CYP2C19: variants seen among roughly 807,000 people sequenced by gnomAD.
The protein encoded by CYP2C19 is cytochrome P450 family 2 subfamily C member 19.
A neutral mutation model predicts 40.9 loss-of-function variants in CYP2C19; 59 were observed. That is an observed-to-expected ratio of 1.44 (90% confidence interval 1.17 to 1.79). CYP2C19 has a LOEUF of 1.79. Among genes scored for constraint, CYP2C19 ranks in the 40% most tolerant of loss-of-function variants. The pLI is 0.00. For synonymous variants in CYP2C19, 253 were observed against 208.7 expected (o/e 1.21, Z -1.83); for missense variants, 754 against 596.9 (o/e 1.26, Z -2.74).
chr10:94,827,223 T>C (rs1849241710), intron 6 of CYP2C19, among the ~76,000 whole-genome samples: 1 of 151,962 alleles, frequency 6.6e-6, no homozygotes, highest in Non-Finnish European at 1.5e-5. Flanking sequence ...ATTGGAATAG[T>C]TTTAGAAGGA....
intron 8 of CYP2C19, 84 bp downstream of exon 8, chr10:94,850,142 A>G: frequency 6.8e-7 from 1 of 1,461,036 alleles, no homozygotes; most frequent in Non-Finnish European, 9.6e-7. Flanking sequence ...CCTTCTCTGC[A>G]GTGGTACAGT....
At chr10:94,795,703 G>A (rs543776804) in intron 5 of CYP2C19, among the ~76,000 whole-genome samples, 32 of 152,228 alleles carry the variant, frequency 2.1e-4, no homozygotes, top group African/African-American at 7.2e-4. Context: ...GTTCTAACTG[G>A]TGTGAGATGG....
chr10:94,847,459 T>C (rs183098273), intron 7 of CYP2C19, among the ~76,000 whole-genome samples: 122 of 152,338 alleles, frequency 8.0e-4, no homozygotes, highest in Non-Finnish European at 1.5e-3. Context: ...TGCCATATTT[T>C]CTTAATCCAG....
intron 5 of CYP2C19, among the ~76,000 whole-genome samples, chr10:94,783,839 G>A (rs535933212): frequency 1.8e-4 from 28 of 152,206 alleles, no homozygotes; most frequent in African/African-American, 6.3e-4. Flanking sequence ...CTTCAAAGGA[G>A]CCAATGGGAA....
chr10:94,829,984 G>T (rs951097817), intron 6 of CYP2C19, among the ~76,000 whole-genome samples: 116 of 152,338 alleles, frequency 7.6e-4, no homozygotes, highest in Non-Finnish European at 1.2e-3. Flanking sequence ...AGGGGTCAGG[G>T]ACCCACTTGA....
At chr10:94,801,617 C>T (rs564316347) in intron 5 of CYP2C19, among the ~76,000 whole-genome samples, 112 of 152,202 alleles carry the variant, frequency 7.4e-4, no homozygotes, top group African/African-American at 2.5e-3. Flanking sequence ...CCACTTAGTC[C>T]AGAGCTGTGT....
chr10:94,797,668 G>T (rs1456517429), intron 5 of CYP2C19, among the ~76,000 whole-genome samples: 1 of 151,878 alleles, frequency 6.6e-6, no homozygotes, highest in Non-Finnish European at 1.5e-5. Context: ...TAATTTCATA[G>T]CCTGTTATTA....
intron 8 of CYP2C19, among the ~76,000 whole-genome samples, chr10:94,850,470 T>C (rs1214810805): frequency 1.3e-5 from 2 of 152,154 alleles, no homozygotes; most frequent in Non-Finnish European, 2.9e-5. Context: ...GATAAAATTA[T>C]CCTCAAACAC....
chr10:94,818,893 G>C (rs1022631200), intron 5 of CYP2C19, among the ~76,000 whole-genome samples: 4 of 152,050 alleles, frequency 2.6e-5, no homozygotes, highest in African/African-American at 9.7e-5. Flanking sequence ...TCCTTCTCCT[G>C]CCTGATTGCC....
At chr10:94,850,632 A>G (rs1459497538) in intron 8 of CYP2C19, among the ~76,000 whole-genome samples, 1 of 152,194 alleles carries the variant, frequency 6.6e-6, no homozygotes, top group Non-Finnish European at 1.5e-5. Flanking sequence ...TTGTTATCTT[A>G]TAACCCAAAA....
intron 1 of CYP2C19, among the ~76,000 whole-genome samples, chr10:94,763,128 G>C (rs953419824): frequency 6.6e-6 from 1 of 152,148 alleles, no homozygotes; most frequent in Admixed American, 6.5e-5. Context: ...TTGAAATGTT[G>C]TGTTCCTTCT....
intron 7 of CYP2C19, among the ~76,000 whole-genome samples, chr10:94,847,492 G>C (rs955916173): frequency 6.6e-6 from 1 of 152,134 alleles, no homozygotes; most frequent in South Asian, 2.1e-4. Context: ...GGATATTTGG[G>C]TTGATTCCAA....
At chr10:94,827,146 G>A (rs1351047207) in intron 6 of CYP2C19, among the ~76,000 whole-genome samples, 9 of 151,476 alleles carry the variant, frequency 5.9e-5, no homozygotes, top group African/African-American at 1.2e-4. Context: ...GTCTCTGCCC[G>A]GCTTTGGTAT....
intron 6 of CYP2C19, among the ~76,000 whole-genome samples, chr10:94,840,649 C>A (rs549449316): frequency 6.6e-6 from 1 of 152,158 alleles, no homozygotes; most frequent in Non-Finnish European, 1.5e-5. Context: ...TAGGGGCGCA[C>A]GCATGTGTGA....
rs1450262550 is a variant in CYP2C19 at position 94,781,986 on chromosome 10, A to T, written c.808A>T (p.Lys270Ter). 27 of 1,535,472 alleles carry T rather than the reference A, an allele frequency of 1.8e-5. No homozygotes were observed. Among genetic ancestry groups the T allele is most frequent in the Non-Finnish European group, 2.3e-5 (26 of 1,150,044 alleles). The change falls in exon 5 of 9, where the codon AAA becomes TAA. Residue 270 changes from lysine (K) to a stop codon, truncating the protein, a stop_gained. Transcript: ENST00000371321. LOFTEE classifies it high-confidence loss of function. Reference protein sequence around the residue: ...PRDFIDCFLIKMEKEKQNQQS... With the variant: ...PRDFIDCFLI ...GGACTTTATTGATTGCTTCCTGATCAAAATGGAGAAGGTAAAATGTTAACA... is the reference window on the plus strand; with the variant it reads ...GGACTTTATTGATTGCTTCCTGATCTAAATGGAGAAGGTAAAATGTTAACA...
chr10:94,779,749 T>C (rs1473200929), intron 3 of CYP2C19, among the ~76,000 whole-genome samples: 2 of 151,872 alleles, frequency 1.3e-5, no homozygotes, highest in Non-Finnish European at 2.9e-5. Flanking sequence ...TTAGCAGAGA[T>C]GGGGTTCACC....
intron 5 of CYP2C19, among the ~76,000 whole-genome samples, chr10:94,818,155 C>T (rs1402320897): frequency 1.9e-4 from 28 of 148,738 alleles, no homozygotes; most frequent in Admixed American, 1.0e-3. Context: ...GAATCCTTTC[C>T]CCATTGCTTG....
chr10:94,852,827 T>G lies in CYP2C19; in HGVS notation c.1386T>G (p.Ile462Met), dbSNP rs200174624. The change falls in exon 9 of 9, where the codon ATT becomes ATG. Residue 462 changes from isoleucine (I) to methionine (M), a missense_variant. Ile to Met is a conservative substitution (Grantham distance 10). Transcript: ENST00000371321. The stretch of plus-strand genomic sequence containing the variant: ...AGAACTTTAACCTGAAATCTCTGAT[T>G]GACCCAAAGGACCTTGACACAACTC... ...ILQNFNLKSL[I>M]DPKDLDTTPV... 7 of 1,614,004 alleles carry G rather than the reference T, an allele frequency of 4.3e-6. No homozygotes were observed. In the Admixed American group the frequency reaches 8.3e-5, roughly 19 times the overall value.
intron 6 of CYP2C19, among the ~76,000 whole-genome samples, chr10:94,830,598 G>A (rs1225497842): frequency 6.6e-6 from 1 of 152,170 alleles, no homozygotes; most frequent in Non-Finnish European, 1.5e-5. Context: ...AGATGGAAAT[G>A]CAGAAATCAC....
Sources: allele counts gnomAD v4.1 joint callset (sites outside exome capture counted in the v4.1 genomes callset), GRCh38; gene constraint gnomAD v4.1.1; transcripts MANE v1.5; gene names NCBI Gene and HGNC (gene_info 2026-07-23, HGNC 2026-07-21).